Variants in SMCHD1 observed in about 807,000 individuals in gnomAD.
The protein encoded by SMCHD1 is structural maintenance of chromosomes flexible hinge domain containing 1, also known as structural maintenance of chromosomes flexible hinge domain-containing protein 1.
In SMCHD1, 78 loss-of-function variants were observed where a neutral mutation model predicts 254.7. The ratio of observed to expected loss-of-function variants is 0.31; its 90% CI spans 0.26 to 0.37. The LOEUF (loss-of-function observed/expected upper bound fraction) is 0.37, where lower values mean the gene tolerates loss of function less well. Among genes scored for constraint, SMCHD1 ranks in the 10% least tolerant of loss-of-function variants. The probability of loss-of-function intolerance (pLI) is 1.00; values close to 1 mark genes in which losing one functional copy is unlikely to be tolerated. For missense variants in SMCHD1, 1,840 were observed against 2,408.1 expected, an observed-to-expected ratio of 0.76 and a Z score of 4.94; for synonymous variants, 766 against 794.9, an observed-to-expected ratio of 0.96 and a Z score of 0.61.
Position 2,722,570 on chromosome 18 carries a change from T to C in SMCHD1, c.2510T>C (p.Val837Ala), listed in dbSNP as rs768472360. ...SFGLLDLPFR[V>A]GVPFNIPLEF... ...GGTCTTCTGGATCTTCCTTTTCGTGTTGGAGTTCCATTTAATATCCCTCTG... is the reference window on the plus strand; with the variant it reads ...GGTCTTCTGGATCTTCCTTTTCGTGCTGGAGTTCCATTTAATATCCCTCTG... Residue 837 changes from valine to alanine, a missense_variant, in exon 20 of 48, where the codon GTT becomes GCT. By Grantham distance (64) the Val-to-Ala change is moderately conservative. Coordinates refer to ENST00000320876, the MANE Select transcript of SMCHD1 (RefSeq NM_015295.3). 2.5e-6 allele frequency: 4 copies of C among 1,613,516 alleles called. No homozygotes were observed. Among genetic ancestry groups the C allele is most frequent in the Non-Finnish European group, 3.4e-6 (4 of 1,179,604 alleles).
At chr18:2,798,493 G>A (rs1452077757) in intron 47 of SMCHD1, among the ~76,000 whole-genome samples, 1 of 152,186 alleles carries the variant, frequency 6.6e-6, no homozygotes, top group Non-Finnish European at 1.5e-5. Context: ...ACCTGCTTGT[G>A]ACTGTGAAAA....
At chr18:2,726,584 G>C in intron 22 of SMCHD1, 60 bp downstream of exon 22, 1 of 844,054 alleles carries the variant, frequency 1.2e-6, no homozygotes, top group Non-Finnish European at 1.7e-6. Flanking sequence ...AAAGTATAAT[G>C]ATATGAAGTT....
At chr18:2,701,001 T>C in intron 12 of SMCHD1, 83 bp downstream of exon 12, 1 of 1,058,704 alleles carries the variant, frequency 9.4e-7, no homozygotes, top group South Asian at 1.9e-5. Flanking sequence ...TGTAGGTTTT[T>C]ATTGATATTT....
chr18:2,719,178 TTTGA>T (rs1000620666), intron 19 of SMCHD1, among the ~76,000 whole-genome samples: 2 of 151,810 alleles, frequency 1.3e-5, no homozygotes, highest in African/African-American at 2.4e-5. Context: ...CTTGAATCAC[TTTGA>T]TTTTCTATTT....
intron 21 of SMCHD1, among the ~76,000 whole-genome samples, chr18:2,725,857 T>G (rs984715918): frequency 6.6e-6 from 1 of 151,928 alleles, no homozygotes; most frequent in Non-Finnish European, 1.5e-5. Context: ...GAAATAACTT[T>G]AGAGGAAATT....
At chr18:2,723,382 G>T (rs2074965758) in intron 20 of SMCHD1, among the ~76,000 whole-genome samples, 1 of 151,960 alleles carries the variant, frequency 6.6e-6, no homozygotes, top group Non-Finnish European at 1.5e-5. Context: ...TTGTAAATGA[G>T]TAGGAGACTG....
chr18:2,762,353 A>T (rs888735245), intron 36 of SMCHD1, 117 bp downstream of exon 36: 2 of 845,934 alleles, frequency 2.4e-6, no homozygotes, highest in African/African-American at 3.4e-5. Flanking sequence ...GTTATAGGGA[A>T]AACTTGTGCA....
chr18:2,759,726 T>C (rs996734328), intron 34 of SMCHD1, among the ~76,000 whole-genome samples: 1 of 151,706 alleles, frequency 6.6e-6, no homozygotes, highest in Non-Finnish European at 1.5e-5. Context: ...CACACCACCA[T>C]GCCTGGCTCA....
At position 2,742,712 on chromosome 18, in the gene SMCHD1, C is replaced by T. The variant is rs2075374977; in HGVS notation, c.3634-1049C>T. ...TTCGAAACAGGATCTCACTCTTTTG[C>T]CCAGGCTGGAGTGCAGTGCAGTGTT... is the stretch of plus-strand genomic sequence containing the variant. On this transcript the variant is annotated intron_variant, in intron 28 of 47. Coordinates refer to ENST00000320876, the MANE Select transcript of SMCHD1 (RefSeq NM_015295.3). Among the ~76,000 whole-genome samples the T allele has an allele frequency of 2.0e-5, 3 of 152,216 alleles. No individual in the cohort carries two copies. The South Asian group carries it at 6.2e-4, about 32-fold the overall frequency.
At position 2,804,162 on chromosome 18, in the gene SMCHD1, T is replaced by A. The variant is rs1163000477; in HGVS notation, c.*1610T>A. 6.6e-6 allele frequency: 1 copy of A among 152,198 alleles called. No individual in the cohort carries two copies. Among genetic ancestry groups the A allele is most frequent in the African/African-American group, 2.4e-5 (1 of 41,452 alleles). 9.4% of individuals were successfully genotyped at this position (152,198 alleles called of 1,614,324 possible). A position where few individuals can be genotyped will look rare whatever the true frequency, so the allele number is the denominator to read the frequency against. ...TTAGGAACTAGACTTGAACGTATAATTAATATGTGGAACTAGTTTGCTTTT... is the reference window on the plus strand; with the variant it reads ...TTAGGAACTAGACTTGAACGTATAAATAATATGTGGAACTAGTTTGCTTTT... On this transcript the variant is annotated 3_prime_UTR_variant, in exon 48 of 48. Coordinates refer to ENST00000320876, the MANE Select transcript of SMCHD1 (RefSeq NM_015295.3).
At chr18:2,699,324 A>G (rs642525) in intron 10 of SMCHD1, among the ~76,000 whole-genome samples, 95,556 of 151,958 alleles carry the variant, frequency 0.63, 32,594 homozygotes, top group East Asian at 0.92. Context: ...CAGTGGCTCC[A>G]CTGGCCTTTT....
chr18:2,785,293 G>T (rs1027724013), intron 45 of SMCHD1, among the ~76,000 whole-genome samples: 7 of 152,104 alleles, frequency 4.6e-5, no homozygotes, highest in Admixed American at 2.0e-4. Context: ...GCAGTTTGTT[G>T]TTAACTTTCT....
Position 2,763,808 on chromosome 18 carries a change from T to C in SMCHD1, c.4719+19T>C. 6.2e-7 allele frequency: 1 copy of C among 1,600,836 alleles called. No individual in the cohort carries two copies. Among genetic ancestry groups the C allele is most frequent in the African/African-American group, 1.4e-5 (1 of 73,992 alleles). On this transcript the variant is annotated intron_variant, in intron 37 of 47. Coordinates refer to ENST00000320876, the MANE Select transcript of SMCHD1 (RefSeq NM_015295.3). ...AATCATGGTAAATTTTTTATATCTT[T>C]TGGTAGATAGAATTTCTGTATTTAA...
chr18:2,747,733 T>C lies in SMCHD1; in HGVS notation c.3927+86T>C, dbSNP rs2075482575. The C allele has an allele frequency of 2.8e-6, 3 of 1,064,064 alleles. No homozygotes were observed. In the African/African-American group the frequency reaches 4.8e-5, roughly 17 times the overall value. The allele number at this position is 1,064,064 out of a possible 1,614,324, so 65.9% of individuals were successfully genotyped here. A position where few individuals can be genotyped will look rare whatever the true frequency, so the allele number is the denominator to read the frequency against. The stretch of plus-strand genomic sequence containing the variant: ...ATCTTTAGCTGTCATATTGCTTCTT[T>C]TCTAAAAAATATATTTTACATAATC... On this transcript the variant is annotated intron_variant, in intron 30 of 47. Transcript: ENST00000320876.
intron 17 of SMCHD1, among the ~76,000 whole-genome samples, chr18:2,715,450 T>TTTA (rs56855019): frequency 1.5e-4 from 23 of 152,244 alleles, no homozygotes; most frequent in African/African-American, 5.5e-4. Context: ...AGTTCTTTTT[T>TTTA]AAAAAAACAA....
intron 45 of SMCHD1, 46 bp from the exon 46 acceptor site, chr18:2,795,903 G>A (rs1157593056): frequency 3.3e-6 from 5 of 1,506,662 alleles, no homozygotes; most frequent in African/African-American, 1.4e-5. Flanking sequence ...ACATGAGTTT[G>A]GTTTAATAGC....
chr18:2,737,390 TAA>T (rs1242017320), intron 25 of SMCHD1, among the ~76,000 whole-genome samples: 2 of 146,466 alleles, frequency 1.4e-5, no homozygotes, highest in African/African-American at 2.8e-5. Flanking sequence ...AGAGGAAAAA[TAA>T]AGTGTAATTT....
chr18:2,724,708 ATTAATACTTG>A (rs1442249713), intron 20 of SMCHD1, among the ~76,000 whole-genome samples, 181 bp from the exon 21 acceptor site: 1 of 152,090 alleles, frequency 6.6e-6, no homozygotes. Flanking sequence ...GGTATCACTT[ATTAATACTTG>A]TTGGATCAAT....
At chr18:2,755,708 T>C (rs557724271) in intron 34 of SMCHD1, among the ~76,000 whole-genome samples, 33 of 151,200 alleles carry the variant, frequency 2.2e-4, no homozygotes, top group East Asian at 9.7e-4. Context: ...GCTGGGACTA[T>C]AGGCACCTGC....
Sources: allele counts gnomAD v4.1 joint callset (sites outside exome capture counted in the v4.1 genomes callset), GRCh38; gene constraint gnomAD v4.1.1; transcripts MANE v1.5; gene names NCBI Gene and HGNC (gene_info 2026-07-23, HGNC 2026-07-21).